Variants in CELF2 observed in about 807,000 individuals in gnomAD.
The protein encoded by CELF2 is CUGBP Elav-like family member 2.
In CELF2, 8 loss-of-function variants were observed where a neutral mutation model predicts 62.6. The observed-to-expected ratio is 0.13, with a 90% CI of 0.07 to 0.23. The LOEUF is 0.23. Among genes scored for constraint, CELF2 ranks in the 10% least tolerant of loss-of-function variants. CELF2 has a pLI of 1.00. For missense variants in CELF2, 333 were observed against 671.0 expected, an observed-to-expected ratio of 0.50 and a Z score of 5.56; for synonymous variants, 258 against 250.0, an observed-to-expected ratio of 1.03 and a Z score of -0.30.
At chr10:10,530,793 C>A in the CELF2 span, among the ~76,000 whole-genome samples, 1 of 152,208 alleles carries the variant, frequency 6.6e-6, no homozygotes, top group Non-Finnish European at 1.5e-5. Flanking sequence ...ATATGTCATG[C>A]TCTTCACTAA....
chr10:10,639,913 A>G, the CELF2 span, among the ~76,000 whole-genome samples: 40 of 152,140 alleles, frequency 2.6e-4, no homozygotes, highest in Admixed American at 2.6e-3. Flanking sequence ...CTCTACATGA[A>G]ACAGTCTCCA....
At chr10:10,941,785 G>A (rs976160977) in intron 2 of CELF2, among the ~76,000 whole-genome samples, 8 of 152,152 alleles carry the variant, frequency 5.3e-5, no homozygotes, top group Admixed American at 5.2e-4. Flanking sequence ...TTTGAGGTCA[G>A]GAGTTTGAGA....
At chr10:10,824,616 A>G (rs7897651) in intron 1 of CELF2, among the ~76,000 whole-genome samples, 107,067 of 152,100 alleles carry the variant, frequency 0.7, 37,859 homozygotes, top group East Asian at 0.78. Flanking sequence ...TTAATGTTGA[A>G]CCATACTTTT....
At chr10:11,053,612 C>CT (rs35886208) in intron 1 of CELF2, among the ~76,000 whole-genome samples, 8,348 of 122,418 alleles carry the variant, frequency 0.068, 416 homozygotes, top group Non-Finnish European at 0.095. Flanking sequence ...TCTGATATTT[C>CT]TTTTTTTTTT....
intron 2 of CELF2, among the ~76,000 whole-genome samples, chr10:10,975,415 T>C (rs188421507): frequency 1.2e-3 from 177 of 152,318 alleles, no homozygotes; most frequent in African/African-American, 4.0e-3. Context: ...ATTACAGGGG[T>C]GAGCCACTGC....
the CELF2 span, among the ~76,000 whole-genome samples, chr10:10,481,474 A>G: frequency 1.3e-5 from 2 of 152,134 alleles, no homozygotes; most frequent in African/African-American, 4.8e-5. Context: ...TGACAAGAAG[A>G]AAGTTCTCTC....
the CELF2 span, among the ~76,000 whole-genome samples, chr10:10,678,540 C>T: frequency 6.6e-6 from 1 of 152,156 alleles, no homozygotes; most frequent in African/African-American, 2.4e-5. Flanking sequence ...TCTTTGATTC[C>T]AGCCTCACCA....
chr10:10,651,639 A>G, the CELF2 span, among the ~76,000 whole-genome samples: 3 of 149,220 alleles, frequency 2.0e-5, no homozygotes, highest in Non-Finnish European at 4.5e-5. Flanking sequence ...AGGGTATTCC[A>G]ACAGACCTGC....
intron 1 of CELF2, among the ~76,000 whole-genome samples, chr10:11,138,356 C>G (rs1304071058): frequency 2.6e-5 from 4 of 152,182 alleles, no homozygotes; most frequent in African/African-American, 9.7e-5. Context: ...TATGACATTT[C>G]CTGGGCATTT....
At chr10:10,593,412 T>C in the CELF2 span, among the ~76,000 whole-genome samples, 4 of 152,220 alleles carry the variant, frequency 2.6e-5, no homozygotes, top group Non-Finnish European at 5.9e-5. Context: ...GGATTCTTCA[T>C]ATGAAGATGA....
chr10:10,950,354 G>C (rs1196495047), intron 2 of CELF2, among the ~76,000 whole-genome samples: 1 of 152,174 alleles, frequency 6.6e-6, no homozygotes, highest in Non-Finnish European at 1.5e-5. Flanking sequence ...CGAGGTCTGG[G>C]TCTGAACAAA....
In CELF2 at chr10:10,931,543, G is replaced by A. The variant is rs2066060028; in HGVS notation, c.89+11544G>A. Among the ~76,000 whole-genome samples, 3 of 152,108 alleles carry A rather than the reference G, an allele frequency of 2.0e-5. No homozygotes were observed. Among genetic ancestry groups the A allele is most frequent in the African/African-American group, 7.2e-5 (3 of 41,396 alleles). On this transcript the variant is annotated intron_variant, in intron 2 of 13. Coordinates refer to the CELF2 transcript ENST00000636488. This position sits in a 1 kb window ranked among gnomAD's most constrained non-coding sequence, Gnocchi z 6.1. ...AACCTGTGGAACTCAGGCTAGCATC[G>A]ACATAGTGACACCTGGTGGCCCCTA...
chr10:10,866,372 G>A lies in CELF2; in HGVS notation c.54-53592G>A, dbSNP rs552924473. 2.4e-3 allele frequency among the ~76,000 whole-genome samples: 22 copies of A among 9,270 alleles called. No homozygotes were observed. The South Asian group carries it at 0.062, about 26-fold the overall frequency. The allele number at this position is 9,270 out of a possible 152,430, so 6.1% of individuals were successfully genotyped here. ...CATGCCTGTAATCCCAGCACTTTGG[G>A]AGGCAGGCAGATGACTTGAGGCCAG... On this transcript the variant is annotated intron_variant, in intron 1 of 13. Transcript: ENST00000636488.
At chr10:11,063,316 A>T (rs1375366676) in intron 1 of CELF2, among the ~76,000 whole-genome samples, 1 of 152,204 alleles carries the variant, frequency 6.6e-6, no homozygotes, top group Admixed American at 6.5e-5. Flanking sequence ...TTGATATCTG[A>T]AGTGATTTGA....
At chr10:10,523,388 T>G in the CELF2 span, among the ~76,000 whole-genome samples, 26 of 152,352 alleles carry the variant, frequency 1.7e-4, no homozygotes, top group African/African-American at 6.3e-4. Flanking sequence ...TGCAGATAGA[T>G]GTTTACATTC....
intron 2 of CELF2, among the ~76,000 whole-genome samples, chr10:11,193,875 A>C (rs1288710954): frequency 7.2e-5 from 11 of 152,128 alleles, no homozygotes; most frequent in Admixed American, 7.2e-4. Context: ...TCTCAGTATA[A>C]CCTGGGAAAG....
chr10:10,640,288 G>T, the CELF2 span, among the ~76,000 whole-genome samples: 1 of 152,088 alleles, frequency 6.6e-6, no homozygotes, highest in Non-Finnish European at 1.5e-5. Context: ...AGTCAGTTTT[G>T]CAATGCTGTG....
the CELF2 span, among the ~76,000 whole-genome samples, chr10:10,504,441 GT>G: frequency 1.3e-5 from 2 of 152,056 alleles, no homozygotes; most frequent in Non-Finnish European, 2.9e-5. Context: ...CATTCTTATT[GT>G]TTTTGCTATA....
At chr10:10,540,077 C>T in the CELF2 span, among the ~76,000 whole-genome samples, 1 of 152,188 alleles carries the variant, frequency 6.6e-6, no homozygotes, top group Non-Finnish European at 1.5e-5. Flanking sequence ...AAAAACTCCT[C>T]TCACTCCAGT....
Sources: gnomAD v4.1 joint callset for allele counts (sites outside exome capture counted in the v4.1 genomes callset) on GRCh38, gnomAD v4.1.1 for gene constraint, Gnocchi (gnomAD v3.1) non-coding constraint, MANE v1.5 for transcripts, NCBI Gene and HGNC (gene_info 2026-07-23, HGNC 2026-07-21) for gene names.